The following RTN4RL1 variants were observed in gnomAD, a reference collection of about 807,000 sequenced individuals.
RTN4RL1 encodes the protein reticulon-4 receptor-like 1.
A neutral mutation model predicts 25.6 loss-of-function variants in RTN4RL1; 7 were observed. That is an observed-to-expected ratio of 0.27 (90% CI 0.16 to 0.51). The LOEUF (loss-of-function observed/expected upper bound fraction) is 0.51, where lower values mean the gene tolerates loss of function less well. RTN4RL1 is among the 20% of genes least tolerant of loss of function. The pLI is 0.97. For missense variants in RTN4RL1, 500 were observed against 615.6 expected, an observed-to-expected ratio of 0.81 and a Z score of 1.99; for synonymous variants, 297 against 288.2, an observed-to-expected ratio of 1.03 and a Z score of -0.31.
chr17:2,001,055 T>TC, intron 1 of RTN4RL1, among the ~76,000 whole-genome samples: 1 of 15,996 alleles, frequency 6.3e-5, no homozygotes, highest in Non-Finnish European at 1.7e-4. Flanking sequence ...TTTCATTTAC[T>TC]TTTTTTTTTT....
chr17:2,007,300 C>T (rs183581353), intron 1 of RTN4RL1, among the ~76,000 whole-genome samples: 3 of 149,906 alleles, frequency 2.0e-5, no homozygotes, highest in African/African-American at 7.5e-5. Context: ...CACCCACAGT[C>T]GGCTGCACTG....
chr17:1,982,855 C>T (rs2066873373), intron 1 of RTN4RL1, among the ~76,000 whole-genome samples: 1 of 152,144 alleles, frequency 6.6e-6, no homozygotes, highest in Non-Finnish European at 1.5e-5. Flanking sequence ...AAGCGAACCT[C>T]AGGGAGGGGC....
chr17:1,949,633 C>T (rs1253036538), intron 1 of RTN4RL1, among the ~76,000 whole-genome samples: 1 of 152,144 alleles, frequency 6.6e-6, no homozygotes, highest in Non-Finnish European at 1.5e-5. Flanking sequence ...CTGAATCTAT[C>T]CCCACTCCTT....
chr17:2,006,158 AT>A (rs781005282), intron 1 of RTN4RL1, among the ~76,000 whole-genome samples: 234 of 124,374 alleles, frequency 1.9e-3, no homozygotes, highest in Middle Eastern at 5.5e-3. Context: ...GAGGTTTGCA[AT>A]TTTTTTTTTT....
chr17:1,966,477 G>A (rs949861509), intron 1 of RTN4RL1, among the ~76,000 whole-genome samples: 1 of 152,180 alleles, frequency 6.6e-6, no homozygotes, highest in Non-Finnish European at 1.5e-5. Flanking sequence ...AAGGGAGGGA[G>A]AGGATTCTGA....
chr17:1,999,423 G>A (rs2066946177), intron 1 of RTN4RL1, among the ~76,000 whole-genome samples: 1 of 149,824 alleles, frequency 6.7e-6, no homozygotes, highest in South Asian at 2.1e-4. Context: ...TCCAGCCTGA[G>A]CAACAGAGCA....
intron 1 of RTN4RL1, among the ~76,000 whole-genome samples, chr17:1,942,814 C>T (rs956923701): frequency 2.6e-5 from 4 of 152,172 alleles, no homozygotes; most frequent in African/African-American, 9.7e-5. Context: ...TGAGGCCACA[C>T]CTGCCAGGAT....
chr17:2,017,936 C>T (rs1160812214), intron 1 of RTN4RL1: 1 of 152,382 alleles, frequency 6.6e-6, no homozygotes, highest in Non-Finnish European at 1.5e-5. Flanking sequence ...GACTCTCTGC[C>T]TTGTTTCATC....
chr17:1,993,390 C>T (rs1212025660), intron 1 of RTN4RL1, among the ~76,000 whole-genome samples: 2 of 152,200 alleles, frequency 1.3e-5, no homozygotes, highest in African/African-American at 4.8e-5. Context: ...CTGGCCCTGA[C>T]ACTTCTAAGC....
rs566553225 is a variant in RTN4RL1, at chr17:1,969,058, C to CTTTTTTTTTTT, written c.14-31261_14-31251dup. Reference sequence around the variant, plus strand: ...TCGTGGGGGAGCTGGACCACTGTCCCTTTTTTTTTTTTTTTTTTGAGATGG... The same window carrying CTTTTTTTTTTT: ...TCGTGGGGGAGCTGGACCACTGTCCCTTTTTTTTTTTTTTTTTTTTTTTTTTTTTGAGATGG... On this transcript the variant is annotated intron_variant, in intron 1 of 1. Coordinates refer to ENST00000331238, the MANE Select transcript of RTN4RL1 (RefSeq NM_178568.4). Among the ~76,000 whole-genome samples, 11 of 103,896 alleles carry CTTTTTTTTTTT rather than the reference C, an allele frequency of 1.1e-4. 1 individual carries two copies. The highest frequency in any genetic ancestry group is 1.3e-4 in the Non-Finnish European group (7 of 55,830). The allele number at this position is 103,896 out of a possible 152,430, so 68.2% of individuals were successfully genotyped here.
chr17:2,004,458 CG>C (rs935425021), intron 1 of RTN4RL1, among the ~76,000 whole-genome samples: 1 of 150,238 alleles, frequency 6.7e-6, no homozygotes, highest in African/African-American at 2.5e-5. Flanking sequence ...TGGGCTGAGG[CG>C]GGGCTTTCTT....
chr17:2,022,917 G>A (rs945626984), intron 1 of RTN4RL1, among the ~76,000 whole-genome samples: 5 of 152,170 alleles, frequency 3.3e-5, no homozygotes, highest in Non-Finnish European at 4.4e-5. Context: ...GCCTCCCCCC[G>A]GGGAGCGGCC....
At chr17:1,970,301 G>A (rs1165890135) in intron 1 of RTN4RL1, among the ~76,000 whole-genome samples, 1 of 152,090 alleles carries the variant, frequency 6.6e-6, no homozygotes, top group East Asian at 1.9e-4. Flanking sequence ...TATTACAGGC[G>A]TGAGCCACTG....
rs1915304242 is a variant in RTN4RL1 at position 1,936,408 on chromosome 17, C to A, written c.*88G>T. 3 of 1,456,610 alleles carry A rather than the reference C, an allele frequency of 2.1e-6. No individual in the cohort carries two copies. The highest frequency in any genetic ancestry group is 5.1e-5 in the Admixed American group (2 of 38,842). 90.2% of individuals were successfully genotyped at this position (1,456,610 alleles called of 1,614,324 possible). On this transcript the variant is annotated 3_prime_UTR_variant, in exon 2 of 2. Coordinates refer to ENST00000331238, the MANE Select transcript of RTN4RL1 (RefSeq NM_178568.4). ...CTACCAGCCTTTTCCTGAAACCCAG[C>A]AGATCTTCCACTTGTTAAAAAAAGA...
In RTN4RL1 at chr17:1,937,808, C is replaced by T; in HGVS notation, c.14G>A (p.Gly5Glu). 1 of 1,580,266 alleles carries T rather than the reference C, an allele frequency of 6.3e-7. No individual in the cohort carries two copies. The highest frequency in any genetic ancestry group is 8.6e-7 in the Non-Finnish European group (1 of 1,166,008). The change falls in exon 2 of 2, where the codon GGG (glycine) becomes GAG (glutamate). Residue 5 changes from glycine to glutamate, a missense_variant and splice_region_variant. Coordinates refer to ENST00000331238, the MANE Select transcript of RTN4RL1 (RefSeq NM_178568.4). MLRK[G>E]CCVELLLLLV... is the part of the protein sequence containing the mutation. Reference sequence around the variant, plus strand: ...CAGCAGCAGCAACTCCACACAGCACCCTGGCAGGGAGAGAGAGCACAGCCA... The same window carrying T: ...CAGCAGCAGCAACTCCACACAGCACTCTGGCAGGGAGAGAGAGCACAGCCA...
At chr17:2,017,226 C>G (rs2067135864) in intron 1 of RTN4RL1, among the ~76,000 whole-genome samples, 1 of 152,218 alleles carries the variant, frequency 6.6e-6, no homozygotes, top group South Asian at 2.1e-4. Context: ...AAACTTTCTA[C>G]CACCTCAGTG....
intron 1 of RTN4RL1, among the ~76,000 whole-genome samples, chr17:1,990,628 G>A (rs1332190072): frequency 1.3e-5 from 2 of 152,070 alleles, no homozygotes; most frequent in Non-Finnish European, 2.9e-5. Flanking sequence ...TTGAGCCCAG[G>A]AGGTTGAGGC....
chr17:1,978,635 G>GT (rs200693252), intron 1 of RTN4RL1, among the ~76,000 whole-genome samples: 7 of 78,612 alleles, frequency 8.9e-5, no homozygotes, highest in Non-Finnish European at 1.7e-4. Flanking sequence ...CCGGAAAATG[G>GT]GGGGGGTGGA....
chr17:1,945,971 C>T (rs990275017), intron 1 of RTN4RL1, among the ~76,000 whole-genome samples: 1 of 152,094 alleles, frequency 6.6e-6, no homozygotes, highest in South Asian at 2.1e-4. Context: ...TTACCCAAAG[C>T]GAGGAGACTC....
Sources: allele counts gnomAD v4.1 joint callset (sites outside exome capture counted in the v4.1 genomes callset), GRCh38; gene constraint gnomAD v4.1.1; transcripts MANE v1.5; gene names NCBI Gene and HGNC (gene_info 2026-07-23, HGNC 2026-07-21).